LPAR1: variants seen among roughly 807,000 people sequenced by gnomAD.
The protein encoded by LPAR1 is lysophosphatidic acid receptor 1, also known as LPA receptor 1.
In LPAR1, 5 loss-of-function variants were observed where a neutral mutation model predicts 23.8. The ratio of observed to expected loss-of-function variants is 0.21; its 90% CI spans 0.11 to 0.44. LPAR1 has a LOEUF of 0.44. Among genes scored for constraint, LPAR1 ranks in the 20% least tolerant of loss-of-function variants. LPAR1 has a pLI of 0.99. For synonymous variants in LPAR1, 160 were observed against 164.7 expected, an observed-to-expected ratio of 0.97 and a Z score of 0.22; for missense variants, 311 against 482.8, an observed-to-expected ratio of 0.64 and a Z score of 3.33.
intron 2 of LPAR1, among the ~76,000 whole-genome samples, chr9:111,023,852 C>A (rs956474928): frequency 3.3e-5 from 5 of 152,206 alleles, no homozygotes; most frequent in African/African-American, 1.2e-4. Context: ...AAACTATATA[C>A]AACTAATGTC....
intron 2 of LPAR1, among the ~76,000 whole-genome samples, chr9:111,003,121 T>A (rs1437288491): frequency 6.6e-6 from 1 of 152,186 alleles, no homozygotes; most frequent in Non-Finnish European, 1.5e-5. Flanking sequence ...CAACTGTAAA[T>A]TAAACAGTTT....
chr9:110,885,158 G>C (rs2082009624), intron 5 of LPAR1, among the ~76,000 whole-genome samples: 2 of 152,156 alleles, frequency 1.3e-5, no homozygotes, highest in South Asian at 2.1e-4. Context: ...TCTTGAATTT[G>C]TGAAGCTATT....
At chr9:110,882,116 C>T (rs868623407) in intron 5 of LPAR1, among the ~76,000 whole-genome samples, 1 of 152,220 alleles carries the variant, frequency 6.6e-6, no homozygotes, top group Admixed American at 6.5e-5. Flanking sequence ...ACCACCATCA[C>T]CACATTCTCC....
chr9:111,014,264 G>A (rs1378800764), intron 2 of LPAR1, among the ~76,000 whole-genome samples: 2 of 152,138 alleles, frequency 1.3e-5, no homozygotes, highest in African/African-American at 4.8e-5. Context: ...ACAAGGTAAA[G>A]CTGTCACTAT....
In LPAR1 at chr9:110,916,721, T is replaced by G. The variant is rs1416570100; in HGVS notation, c.793+24700A>C. On this transcript the variant is annotated intron_variant, in intron 5 of 5. Coordinates refer to ENST00000683809, the MANE Select transcript of LPAR1 (RefSeq NM_001351411.2). ...CTTTTTAAAGTCCTCCAGTTTTCTC[T>G]AGAGAATGCTAATTACTCCCAAACC... Among the ~76,000 whole-genome samples the G allele has an allele frequency of 4.6e-5, 7 of 152,226 alleles. No individual in the cohort carries two copies. The East Asian group carries it at 1.4e-3, about 29-fold the overall frequency.
intron 5 of LPAR1, among the ~76,000 whole-genome samples, chr9:110,890,530 T>C (rs1012585875): frequency 1.3e-5 from 2 of 152,246 alleles, no homozygotes; most frequent in Non-Finnish European, 2.9e-5. Flanking sequence ...GGATTGGAAT[T>C]GGCTTTGGGG....
intron 5 of LPAR1, among the ~76,000 whole-genome samples, chr9:110,909,463 T>C (rs905693592): frequency 6.6e-6 from 1 of 152,198 alleles, no homozygotes; most frequent in African/African-American, 2.4e-5. Context: ...GGTGTTTCAG[T>C]AACAGTATAA....
intron 5 of LPAR1, among the ~76,000 whole-genome samples, chr9:110,877,919 A>C (rs2079549962): frequency 6.6e-6 from 1 of 152,126 alleles, no homozygotes; most frequent in South Asian, 2.1e-4. Flanking sequence ...GTTGTTTATA[A>C]TTTCTTCCCA....
Position 110,972,077 on chromosome 9 carries a change from G to A in LPAR1, c.41C>T (p.Pro14Leu), listed in dbSNP as rs375261891. The A allele has an allele frequency of 3.1e-6, 5 of 1,613,790 alleles. No homozygotes were observed. In the Admixed American group the frequency reaches 8.3e-5, roughly 27 times the overall value. Residue 14 changes from proline to leucine, a missense_variant, in exon 4 of 6, where the codon CCC becomes CTC. Transcript: ENST00000683809. ...CTGCTAGTTTGAAGCCCTTACCTGG[G>A]GCTGTGAAATTACAGGGATGGAAGT... ...ISTSIPVISQ[P>L]QFTAMNEPQC...
At chr9:110,906,067 G>T (rs1408900215) in intron 5 of LPAR1, among the ~76,000 whole-genome samples, 2 of 152,148 alleles carry the variant, frequency 1.3e-5, no homozygotes, top group Admixed American at 1.3e-4. Flanking sequence ...AATGGATTTG[G>T]AAACAAAGTA....
chr9:110,918,184 T>C (rs923263102), intron 5 of LPAR1, among the ~76,000 whole-genome samples: 3 of 152,104 alleles, frequency 2.0e-5, no homozygotes, highest in Non-Finnish European at 4.4e-5. Flanking sequence ...CCTCCCAAAG[T>C]GCTAGAATTA....
rs57641221 is a variant in LPAR1, at chr9:110,900,488, C to T, written c.794-24766G>A. On this transcript the variant is annotated intron_variant, in intron 5 of 5. Coordinates refer to ENST00000683809, the MANE Select transcript of LPAR1 (RefSeq NM_001351411.2). ...AATAATTTAAGATAAAGTTTCTCCC[C>T]CAAAATCCTAGAGAACAGGGATTTT... Among the ~76,000 whole-genome samples the T allele has an allele frequency of 5.6e-3, 845 of 152,246 alleles. 13 individuals carry two copies. Among genetic ancestry groups the T allele is most frequent in the African/African-American group, 0.019 (789 of 41,528 alleles).
chr9:110,909,139 T>C (rs913592658), intron 5 of LPAR1, among the ~76,000 whole-genome samples: 16 of 152,178 alleles, frequency 1.1e-4, no homozygotes, highest in Non-Finnish European at 2.2e-4. Context: ...CCCTTCTATA[T>C]AAACCCGTGG....
chr9:110,889,133 G>A (rs528948348), intron 5 of LPAR1, among the ~76,000 whole-genome samples: 35 of 152,194 alleles, frequency 2.3e-4, no homozygotes, highest in Middle Eastern at 3.4e-3. Flanking sequence ...AGGCCGAGGC[G>A]GGCAGATCAC....
rs148118502 is a variant in LPAR1, at chr9:110,976,145, G to A, written c.-181-2587C>T. Reference sequence around the variant, plus strand: ...GGCTCACTTTGACAGATGAACCCCCGCCTTACCAGAGCCCCAGACTGTCAA... The same window carrying A: ...GGCTCACTTTGACAGATGAACCCCCACCTTACCAGAGCCCCAGACTGTCAA... On this transcript the variant is annotated intron_variant, in intron 2 of 5. Transcript: ENST00000683809. Among the ~76,000 whole-genome samples the A allele has an allele frequency of 2.8e-4, 42 of 152,000 alleles. No individual in the cohort carries two copies. In the East Asian group the frequency reaches 7.2e-3, roughly 26 times the overall value.
intron 2 of LPAR1, among the ~76,000 whole-genome samples, chr9:111,027,480 G>T (rs959458290): frequency 6.6e-6 from 1 of 152,098 alleles, no homozygotes; most frequent in African/African-American, 2.4e-5. Flanking sequence ...CAGCCTGGGT[G>T]ACAGAACAAG....
At chr9:110,939,626 A>G (rs1432514793) in intron 5 of LPAR1, among the ~76,000 whole-genome samples, 2 of 152,182 alleles carry the variant, frequency 1.3e-5, no homozygotes, top group Non-Finnish European at 2.9e-5. Context: ...ATAGCCTCAA[A>G]ATGATTATTT....
chr9:110,950,900 A>G (rs1431261529), intron 4 of LPAR1, among the ~76,000 whole-genome samples: 1 of 152,240 alleles, frequency 6.6e-6, no homozygotes, highest in Admixed American at 6.5e-5. Context: ...TTGATATGAA[A>G]GCACAAAAGA....
chr9:110,949,203 A>T (rs2095491838), intron 4 of LPAR1, among the ~76,000 whole-genome samples: 1 of 152,186 alleles, frequency 6.6e-6, no homozygotes, highest in African/African-American at 2.4e-5. Context: ...CGAGACCTCA[A>T]CACAGCCAGC....
Sources: allele counts gnomAD v4.1 joint callset (sites outside exome capture counted in the v4.1 genomes callset), GRCh38; gene constraint gnomAD v4.1.1; transcripts MANE v1.5; gene names NCBI Gene and HGNC (gene_info 2026-07-23, HGNC 2026-07-21).